The following ADAMTS6 variants were observed in gnomAD, a reference collection of about 807,000 sequenced individuals.
ADAMTS6 encodes the protein A disintegrin and metalloproteinase with thrombospondin motifs 6.
In ADAMTS6, 23 loss-of-function variants were observed where a neutral mutation model predicts 144.3. The observed-to-expected ratio is 0.16, with a 90% confidence interval of 0.11 to 0.23. The LOEUF is 0.23. Among genes scored for constraint, ADAMTS6 ranks in the 10% least tolerant of loss-of-function variants. The probability of loss-of-function intolerance (pLI) is 1.00; values close to 1 mark genes in which losing one functional copy is unlikely to be tolerated. For synonymous variants in ADAMTS6, 444 were observed against 457.5 expected (o/e 0.97, Z 0.38); for missense variants, 999 against 1,379.6 (o/e 0.72, Z 4.37).
At chr5:65,217,849 T>G (rs1193693088) in intron 18 of ADAMTS6, among the ~76,000 whole-genome samples, 1 of 152,206 alleles carries the variant, frequency 6.6e-6, no homozygotes, top group Non-Finnish European at 1.5e-5. Flanking sequence ...ACTTTCATGC[T>G]GAAATAACTG....
intron 14 of ADAMTS6, among the ~76,000 whole-genome samples, chr5:65,244,829 G>A (rs1013355320): frequency 6.6e-6 from 1 of 152,104 alleles, no homozygotes; most frequent in African/African-American, 2.4e-5. Context: ...ACAGGTTTTA[G>A]CTTCCTTAAA....
At chr5:65,267,762 G>T (rs184321688) in intron 12 of ADAMTS6, among the ~76,000 whole-genome samples, 9 of 152,086 alleles carry the variant, frequency 5.9e-5, no homozygotes, top group Non-Finnish European at 1.0e-4. Context: ...TCCAGTACTG[G>T]GTCCAGGCAG....
intron 9 of ADAMTS6, among the ~76,000 whole-genome samples, chr5:65,312,050 T>C (rs574345738): frequency 6.6e-6 from 1 of 152,178 alleles, no homozygotes; most frequent in East Asian, 1.9e-4. Flanking sequence ...CATGTACTTT[T>C]AAAGTCTGCC....
At chr5:65,457,359 A>G (rs1429926273) in intron 4 of ADAMTS6, among the ~76,000 whole-genome samples, 2 of 152,226 alleles carry the variant, frequency 1.3e-5, no homozygotes, top group East Asian at 1.9e-4. Flanking sequence ...CAAGTGAATT[A>G]AAAACATTGA....
intron 14 of ADAMTS6, among the ~76,000 whole-genome samples, chr5:65,253,855 T>A (rs1760416745): frequency 7.8e-6 from 1 of 128,878 alleles, no homozygotes; most frequent in African/African-American, 3.0e-5. Context: ...TGAGACAGGA[T>A]CTCACTCTGT....
chr5:65,239,734 T>C (rs371216806), intron 15 of ADAMTS6, among the ~76,000 whole-genome samples: 1 of 152,084 alleles, frequency 6.6e-6, no homozygotes, highest in Admixed American at 6.6e-5. Flanking sequence ...CAAAAGGAGA[T>C]ATATAATGGC....
chr5:65,247,213 A>C (rs994090459), intron 14 of ADAMTS6, among the ~76,000 whole-genome samples: 3 of 152,180 alleles, frequency 2.0e-5, no homozygotes, highest in African/African-American at 7.2e-5. Flanking sequence ...TTTTCAAAGA[A>C]ATAAATTAAT....
chr5:65,345,024 G>A (rs185547835), intron 7 of ADAMTS6, among the ~76,000 whole-genome samples: 109 of 151,742 alleles, frequency 7.2e-4, no homozygotes, highest in African/African-American at 2.5e-3. Flanking sequence ...TTACATATGC[G>A]TTTTTCTACA....
At chr5:65,365,647 A>C (rs768026242) in intron 7 of ADAMTS6, among the ~76,000 whole-genome samples, 1 of 113,684 alleles carries the variant, frequency 8.8e-6, no homozygotes, top group South Asian at 2.9e-4. Context: ...ACTCTGTTTC[A>C]AAAAAAAAAA....
intron 9 of ADAMTS6, among the ~76,000 whole-genome samples, chr5:65,311,665 T>C (rs1464482007): frequency 2.0e-5 from 3 of 152,028 alleles, no homozygotes; most frequent in Non-Finnish European, 4.4e-5. Context: ...CCTAACACTG[T>C]GAAAATAACA....
At chr5:65,411,715 GAGAGAAAAACAATTT>G (rs1379418746) in intron 7 of ADAMTS6, among the ~76,000 whole-genome samples, 1 of 152,150 alleles carries the variant, frequency 6.6e-6, no homozygotes, top group Non-Finnish European at 1.5e-5. Flanking sequence ...GAAGGAGGAA[GAGAGAAAAACAATTT>G]AGTCACTGAA....
chr5:65,428,972 T>C (rs576157921), intron 7 of ADAMTS6, among the ~76,000 whole-genome samples: 11 of 152,166 alleles, frequency 7.2e-5, no homozygotes, highest in Non-Finnish European at 1.3e-4. Flanking sequence ...TATCCCAAAA[T>C]ACAGTACCTA....
chr5:65,389,065 G>A (rs7716045), intron 7 of ADAMTS6, among the ~76,000 whole-genome samples: 16,026 of 152,128 alleles, frequency 0.11, 913 homozygotes, highest in Middle Eastern at 0.13. Flanking sequence ...TTAGCCGGGC[G>A]TGGTGGCGGA....
chr5:65,370,033 C>T (rs1232173071), intron 7 of ADAMTS6, among the ~76,000 whole-genome samples: 2 of 151,796 alleles, frequency 1.3e-5, no homozygotes, highest in African/African-American at 2.4e-5. Context: ...ACATGGAAAC[C>T]AAATGAACAG....
At chr5:65,232,487 T>G (rs1215540456) in intron 15 of ADAMTS6, among the ~76,000 whole-genome samples, 1 of 150,286 alleles carries the variant, frequency 6.7e-6, no homozygotes, top group Non-Finnish European at 1.5e-5. Context: ...GAGAAAAGCC[T>G]CAAATAAAAA....
intron 7 of ADAMTS6, among the ~76,000 whole-genome samples, chr5:65,434,423 G>A (rs1405725256): frequency 6.6e-6 from 1 of 152,146 alleles, no homozygotes; most frequent in Non-Finnish European, 1.5e-5. Flanking sequence ...AATTCACTCA[G>A]GCTAAATGGG....
intron 4 of ADAMTS6, 26 bp from the exon 5 acceptor site, chr5:65,452,944 T>C (rs1339123809): frequency 1.9e-6 from 3 of 1,550,226 alleles, no homozygotes; most frequent in Non-Finnish European, 2.7e-6. Flanking sequence ...CCAATTCAGA[T>C]AGGTTCACTA....
At chr5:65,170,141 C>T (rs1210402233) in intron 24 of ADAMTS6, among the ~76,000 whole-genome samples, 2 of 152,154 alleles carry the variant, frequency 1.3e-5, no homozygotes, top group African/African-American at 4.8e-5. Flanking sequence ...TTCTACTTTT[C>T]TACGATAAGA....
At chr5:65,374,364 T>C (rs953616807) in intron 7 of ADAMTS6, among the ~76,000 whole-genome samples, 44 of 149,020 alleles carry the variant, frequency 3.0e-4, no homozygotes, top group East Asian at 9.7e-4. Flanking sequence ...AAAACCCCAC[T>C]GTCTCAGCCC....
Sources: gnomAD v4.1 joint callset for allele counts (sites outside exome capture counted in the v4.1 genomes callset) on GRCh38, gnomAD v4.1.1 for gene constraint, MANE v1.5 for transcripts, NCBI Gene and HGNC (gene_info 2026-07-23, HGNC 2026-07-21) for gene names.